LRMDA: variants seen among roughly 807,000 people sequenced by gnomAD.
LRMDA encodes the protein leucine rich melanocyte differentiation associated, also known as leucine-rich melanocyte differentiation-associated protein.
A neutral mutation model predicts 29.8 loss-of-function variants in LRMDA; 18 were observed. The ratio of observed to expected loss-of-function variants is 0.60; its 90% CI spans 0.42 to 0.90. The LOEUF (loss-of-function observed/expected upper bound fraction) is 0.90. LRMDA is among the 40% of genes least tolerant of loss of function. The pLI is 0.00. For synonymous variants in LRMDA, 125 were observed against 109.4 expected (o/e 1.14, Z -0.89); for missense variants, 273 against 273.9 (o/e 1.00, Z 0.02).
intron 5 of LRMDA, among the ~76,000 whole-genome samples, chr10:76,203,659 C>A (rs1485431055): frequency 6.6e-6 from 1 of 151,442 alleles, no homozygotes; most frequent in African/African-American, 2.4e-5. Flanking sequence ...TCCATGTGCC[C>A]GTCCACCCAT....
At chr10:75,805,505 A>G (rs1337783107) in intron 2 of LRMDA, among the ~76,000 whole-genome samples, 1 of 152,182 alleles carries the variant, frequency 6.6e-6, no homozygotes, top group Non-Finnish European at 1.5e-5. Context: ...TGGGCAATGA[A>G]TTTGGCCTGG....
At chr10:75,905,146 T>G (rs955910234) in intron 2 of LRMDA, among the ~76,000 whole-genome samples, 1 of 152,138 alleles carries the variant, frequency 6.6e-6, no homozygotes, top group Non-Finnish European at 1.5e-5. Context: ...TATCTGATAA[T>G]GTGTGAAAAT....
intron 2 of LRMDA, among the ~76,000 whole-genome samples, chr10:75,592,524 G>A (rs568545140): frequency 3.9e-5 from 6 of 152,194 alleles, no homozygotes; most frequent in East Asian, 1.9e-4. Context: ...CGGCGGAGGC[G>A]GGGGCGAGGG....
chr10:75,752,156 G>T (rs1842976983), intron 2 of LRMDA, among the ~76,000 whole-genome samples: 1 of 150,680 alleles, frequency 6.6e-6, no homozygotes, highest in Admixed American at 6.6e-5. Context: ...GATTCTGTTT[G>T]GTCATTGGCA....
At chr10:76,403,502 G>A (rs1408258854) in intron 6 of LRMDA, 1 of 152,084 alleles carries the variant, frequency 6.6e-6, no homozygotes, top group East Asian at 1.9e-4. Flanking sequence ...AGTGGTGCAT[G>A]GCTGGCTCCC....
intron 5 of LRMDA, among the ~76,000 whole-genome samples, chr10:76,320,561 C>G (rs1369294108): frequency 6.6e-6 from 1 of 152,080 alleles, no homozygotes; most frequent in East Asian, 1.9e-4. Context: ...ATTGTGGGTT[C>G]ATGTCAATAT....
intron 5 of LRMDA, among the ~76,000 whole-genome samples, chr10:76,150,704 TC>T (rs1202324650): frequency 1.3e-5 from 2 of 151,950 alleles, no homozygotes; most frequent in Non-Finnish European, 2.9e-5. Flanking sequence ...TGTGTTTAAA[TC>T]CCCCCCATTC....
chr10:75,781,406 T>G (rs1843381328), intron 2 of LRMDA, among the ~76,000 whole-genome samples: 1 of 152,188 alleles, frequency 6.6e-6, no homozygotes. Flanking sequence ...GATTATTGAC[T>G]AATTAATTGG....
At chr10:76,394,614 G>T (rs1206330620) in intron 6 of LRMDA, among the ~76,000 whole-genome samples, 1 of 152,122 alleles carries the variant, frequency 6.6e-6, no homozygotes, top group East Asian at 1.9e-4. Flanking sequence ...TTTCTGGAGG[G>T]CAGTTGATTC....
chr10:76,264,966 C>T (rs1388785128), intron 5 of LRMDA, among the ~76,000 whole-genome samples: 1 of 152,174 alleles, frequency 6.6e-6, no homozygotes, highest in African/African-American at 2.4e-5. Flanking sequence ...GGCCTGACAC[C>T]TTTCAAAAGT....
chr10:75,632,073 A>C (rs1395715280), intron 2 of LRMDA, among the ~76,000 whole-genome samples: 1 of 152,132 alleles, frequency 6.6e-6, no homozygotes, highest in Non-Finnish European at 1.5e-5. Flanking sequence ...GGCAACCTTT[A>C]TACTTCTGCT....
At chr10:75,639,420 G>A (rs1227277097) in intron 2 of LRMDA, among the ~76,000 whole-genome samples, 1 of 152,164 alleles carries the variant, frequency 6.6e-6, no homozygotes, top group Non-Finnish European at 1.5e-5. Flanking sequence ...GGCTGTGAAT[G>A]GGCACATATC....
intron 6 of LRMDA, among the ~76,000 whole-genome samples, chr10:76,400,156 C>T (rs1365075250): frequency 6.6e-6 from 1 of 152,186 alleles, no homozygotes; most frequent in African/African-American, 2.4e-5. Context: ...TTGGAGAGGC[C>T]CACACGGCAG....
chr10:76,300,056 C>T (rs1465843377), intron 5 of LRMDA, among the ~76,000 whole-genome samples: 1 of 152,174 alleles, frequency 6.6e-6, no homozygotes, highest in Non-Finnish European at 1.5e-5. Flanking sequence ...CTGTTCTTAT[C>T]TCTTCCTTGT....
chr10:76,041,524 A>G (rs1848337829), intron 3 of LRMDA, among the ~76,000 whole-genome samples: 1 of 152,214 alleles, frequency 6.6e-6, no homozygotes, highest in African/African-American at 2.4e-5. Flanking sequence ...AAAACCCAGT[A>G]TTAGGATTAG....
intron 2 of LRMDA, among the ~76,000 whole-genome samples, chr10:75,943,424 A>G (rs531930624): frequency 3.9e-5 from 6 of 152,326 alleles, no homozygotes; most frequent in African/African-American, 1.4e-4. Flanking sequence ...CAAAACATCT[A>G]AAAGGTACAC....
intron 2 of LRMDA, among the ~76,000 whole-genome samples, chr10:75,742,069 G>A (rs773632058): frequency 2.6e-5 from 4 of 152,276 alleles, no homozygotes; most frequent in Non-Finnish European, 4.4e-5. Context: ...CGAAAAATAC[G>A]TTTCTGTTGT....
intron 2 of LRMDA, among the ~76,000 whole-genome samples, chr10:75,654,039 C>T (rs1478373664): frequency 6.6e-6 from 1 of 152,218 alleles, no homozygotes; most frequent in East Asian, 1.9e-4. Context: ...CCATAGTCAG[C>T]GCACTGCCCC....
chr10:75,790,863 G>A (rs1230843564), intron 2 of LRMDA, among the ~76,000 whole-genome samples: 1 of 152,236 alleles, frequency 6.6e-6, no homozygotes, highest in East Asian at 1.9e-4. Flanking sequence ...TCTAAGAACT[G>A]CAATATCCTC....
Sources: allele counts gnomAD v4.1 joint callset (sites outside exome capture counted in the v4.1 genomes callset), GRCh38; gene constraint gnomAD v4.1.1; transcripts MANE v1.5; gene names NCBI Gene and HGNC (gene_info 2026-07-23, HGNC 2026-07-21).